The following ARHGEF17 variants were observed in gnomAD, a reference collection of about 807,000 sequenced individuals.
ARHGEF17 encodes Rho guanine nucleotide exchange factor 17.
A neutral mutation model predicts 174.0 loss-of-function variants in ARHGEF17; 80 were observed. That is an observed-to-expected ratio of 0.46 (90% CI 0.38 to 0.55). The LOEUF is 0.55. Ranked by LOEUF, ARHGEF17 falls within the 20% of genes least tolerant of loss-of-function variation. The pLI is 0.00. For synonymous variants in ARHGEF17, 1,311 were observed against 1,189.1 expected (o/e 1.10, Z -2.11); for missense variants, 2,886 against 2,839.7 (o/e 1.02, Z -0.37).
rs1222645253 is a variant in ARHGEF17 at position 73,309,523 on chromosome 11, C to T, written c.885C>T (p.Leu295=). Residue 295 remains leucine, a synonymous_variant, in exon 1 of 21, where the codon CTC becomes CTT. Transcript: ENST00000263674. The part of the protein sequence containing the change: ...GGHRWGGRPG[L]RPGSSLLDQD... ...ACCGCTGGGGAGGGAGGCCCGGGCT[C>T]AGGCCTGGAAGCTCCCTATTGGATC... 5 of 1,570,594 alleles carry T rather than the reference C, an allele frequency of 3.2e-6. No homozygotes were observed. Among genetic ancestry groups the T allele is most frequent in the South Asian group, 1.1e-5 (1 of 87,306 alleles).
rs1238738777 is a variant in ARHGEF17, at chr11:73,357,144, T to A, written c.4001+10T>A. The A allele has an allele frequency of 6.2e-7, 1 of 1,613,936 alleles. No individual in the cohort carries two copies. Among genetic ancestry groups the A allele is most frequent in the African/African-American group, 1.3e-5 (1 of 75,036 alleles). On this transcript the variant is annotated intron_variant, in intron 8 of 20. Transcript: ENST00000263674. ...GCAGCTCCATGAGCCTGTGAGTGGC[T>A]GGGCCGGGGTTTGGGTGGTGCCAAC... is the stretch of plus-strand genomic sequence containing the variant.
intron 1 of ARHGEF17, among the ~76,000 whole-genome samples, chr11:73,339,001 T>A (rs1044447855): frequency 3.9e-5 from 6 of 152,108 alleles, no homozygotes; most frequent in African/African-American, 1.4e-4. Context: ...ATTCTGAGAT[T>A]ATGGGGTTCC....
chr11:73,344,694 A>G (rs1865431989), intron 1 of ARHGEF17, among the ~76,000 whole-genome samples: 1 of 152,198 alleles, frequency 6.6e-6, no homozygotes, highest in Middle Eastern at 3.2e-3. Context: ...CTTTGCCTTC[A>G]CGGTGATGGG....
chr11:73,317,684 T>G (rs1236188400), intron 1 of ARHGEF17, among the ~76,000 whole-genome samples: 8 of 152,212 alleles, frequency 5.3e-5, no homozygotes, highest in Non-Finnish European at 1.5e-5. Context: ...TGTCTCCCCA[T>G]GGGAGTTGAT....
rs146497753 is a variant in ARHGEF17, at chr11:73,311,051, C to T, written c.2413C>T (p.Gln805Ter). The T allele has an allele frequency of 6.2e-7, 1 of 1,614,102 alleles. No individual in the cohort carries two copies. Among genetic ancestry groups the T allele is most frequent in the Non-Finnish European group, 8.5e-7 (1 of 1,179,974 alleles). ...GYQEVIQSIVQGPGTLGRVVD... is the reference protein window; with the variant it reads ...GYQEVIQSIV ...TCAGGAGGTTATTCAGAGCATAGTT[C>T]AGGGGCCTGGCACCCTGGGGCGTGT... is the stretch of plus-strand genomic sequence containing the variant. The change falls in exon 1 of 21, where the codon CAG becomes TAG. Residue 805 changes from glutamine (Q) to a stop codon, truncating the protein, a stop_gained. Transcript: ENST00000263674. LOFTEE classifies it high-confidence loss of function.
chr11:73,331,204 G>A (rs959576781), intron 1 of ARHGEF17, among the ~76,000 whole-genome samples: 3 of 152,202 alleles, frequency 2.0e-5, no homozygotes, highest in Non-Finnish European at 4.4e-5. Context: ...GTTCCCTGGG[G>A]TCCCTATCCA....
intron 9 of ARHGEF17, among the ~76,000 whole-genome samples, chr11:73,357,758 C>G (rs1865669878): frequency 6.6e-6 from 1 of 152,250 alleles, no homozygotes; most frequent in Non-Finnish European, 1.5e-5. Context: ...TTGTTCAGGG[C>G]TGAGACTGTT....
intron 1 of ARHGEF17, among the ~76,000 whole-genome samples, chr11:73,314,179 G>C (rs975433953): frequency 5.3e-5 from 8 of 152,234 alleles, no homozygotes; most frequent in African/African-American, 1.9e-4. Context: ...CTGTTGAGGA[G>C]ACAATGTTCC....
At chr11:73,364,752 C>G in intron 18 of ARHGEF17, 152 bp downstream of exon 18, 1 of 923,904 alleles carries the variant, frequency 1.1e-6, no homozygotes, top group Non-Finnish European at 1.6e-6. Context: ...AGTCCCTGTC[C>G]TCCTTCGATC....
rs181718244 is a variant in ARHGEF17 at position 73,314,673 on chromosome 11, A to G, written c.3192+2843A>G. ...AGGGAGTAACAGTAGCTCATGGGTCATTTATTCCAGGAATGCCTGTCTGTG... is the reference window on the plus strand; with the variant it reads ...AGGGAGTAACAGTAGCTCATGGGTCGTTTATTCCAGGAATGCCTGTCTGTG... On this transcript the variant is annotated intron_variant, in intron 1 of 20. Coordinates refer to ENST00000263674, the MANE Select transcript of ARHGEF17 (RefSeq NM_014786.4). Among the ~76,000 whole-genome samples the G allele has an allele frequency of 2.7e-3, 413 of 152,268 alleles. 4 individuals carry two copies. The highest frequency in any genetic ancestry group is 9.6e-3 in the African/African-American group (398 of 41,554).
chr11:73,314,463 C>T (rs1400857955), intron 1 of ARHGEF17, among the ~76,000 whole-genome samples: 2 of 152,192 alleles, frequency 1.3e-5, no homozygotes, highest in African/African-American at 2.4e-5. Flanking sequence ...CAGACCTGGA[C>T]AGAGTCATCT....
At position 73,365,480 on chromosome 11, in the gene ARHGEF17, G is replaced by T. The variant is rs1014708452; in HGVS notation, c.5641G>T (p.Ala1881Ser). 7 of 1,613,952 alleles carry T rather than the reference G, an allele frequency of 4.3e-6. No homozygotes were observed. The highest frequency in any genetic ancestry group is 1.3e-5 in the African/African-American group (1 of 74,932). ...TGTGTGGGTGACATTGAAAGGTAGTGCCCACGTGTGTCTCTACCATCCAGA... is the reference window on the plus strand; with the variant it reads ...TGTGTGGGTGACATTGAAAGGTAGTTCCCACGTGTGTCTCTACCATCCAGA... ...LGVWVTLKGS[A>S]HVCLYHPDTF... Residue 1881 changes from alanine to serine, a missense_variant, in exon 19 of 21, where the codon GCC becomes TCC. By Grantham distance (99) the Ala-to-Ser change is moderately conservative. Around this residue, in one of 4 missense-constraint regions of ARHGEF17, gnomAD observed 329 missense variants for 435.2 expected, o/e 0.76. Coordinates refer to ENST00000263674, the MANE Select transcript of ARHGEF17 (RefSeq NM_014786.4). The surrounding 1 kb of genome is among the most constrained non-coding windows in gnomAD (Gnocchi z 4.9).
At position 73,308,369 on chromosome 11, in the gene ARHGEF17, G is replaced by A. The variant is rs754707945; in HGVS notation, c.-270G>A. ...TGGGATCCCGCCCAGGCGGTGCCGC[G>A]GTGCCCCTGGTCGCTCCAGCCGCGG... On this transcript the variant is annotated 5_prime_UTR_variant, in exon 1 of 21. Transcript: ENST00000263674. 2.2e-4 allele frequency: 80 copies of A among 367,122 alleles called. 2 individuals carry two copies. Among genetic ancestry groups the A allele is most frequent in the Admixed American group, 1.3e-3 (27 of 21,364 alleles). The allele number at this position is 367,122 out of a possible 1,614,324, so 22.7% of individuals were successfully genotyped here. A position where few individuals can be genotyped will look rare whatever the true frequency, so the allele number is the denominator to read the frequency against.
In ARHGEF17 at chr11:73,355,879, A is replaced by G; in HGVS notation, c.3589A>G (p.Lys1197Glu). ...KFLEQSMRENKEKQALSDLMI... is the reference protein window; with the variant it reads ...KFLEQSMRENEEKQALSDLMI... ...GTTTCAGCAAAGCATGCGTGAGAAC[A>G]AGGAGAAGCAGGCGCTGTCTGACCT... Residue 1197 changes from lysine to glutamate, a missense_variant, in exon 5 of 21, where the codon AAG becomes GAG. By Grantham distance (56) the Lys-to-Glu change is moderately conservative. Around this residue, in one of 4 missense-constraint regions of ARHGEF17, gnomAD observed 353 missense variants for 470.3 expected, o/e 0.75. Transcript: ENST00000263674. 6.2e-7 allele frequency: 1 copy of G among 1,614,178 alleles called. No individual in the cohort carries two copies. The highest frequency in any genetic ancestry group is 8.5e-7 in the Non-Finnish European group (1 of 1,180,036).
chr11:73,313,784 C>T (rs1169992332), intron 1 of ARHGEF17, among the ~76,000 whole-genome samples: 2 of 152,224 alleles, frequency 1.3e-5, no homozygotes, highest in Non-Finnish European at 2.9e-5. Context: ...GGCCTAGGAT[C>T]CATCATATCC....
At position 73,367,585 on chromosome 11, in the gene ARHGEF17, C is replaced by T; in HGVS notation, c.5997C>T (p.Gly1999=). ...CPTPPPPPDT[G]PEKLPSLEHR... Reference sequence around the variant, plus strand: ...ACAGATCCTCCCCTCTGCCCCCAGGCCCCGAGAAGCTGCCATCACTGGAGC... The same window carrying T: ...ACAGATCCTCCCCTCTGCCCCCAGGTCCCGAGAAGCTGCCATCACTGGAGC... The change falls in exon 21 of 21, where the codon GGC becomes GGT. Residue 1999 remains glycine, a splice_region_variant and synonymous_variant. Coordinates refer to ENST00000263674, the MANE Select transcript of ARHGEF17 (RefSeq NM_014786.4). The T allele has an allele frequency of 6.2e-7, 1 of 1,610,118 alleles. No homozygotes were observed. The highest frequency in any genetic ancestry group is 8.5e-7 in the Non-Finnish European group (1 of 1,177,500).
chr11:73,316,689 T>C (rs1344614869), intron 1 of ARHGEF17, among the ~76,000 whole-genome samples: 1 of 151,622 alleles, frequency 6.6e-6, no homozygotes, highest in Non-Finnish European at 1.5e-5. Flanking sequence ...AGATCAGAGG[T>C]GGGTTAGGGT....
chr11:73,316,008 C>T (rs1346865303), intron 1 of ARHGEF17, among the ~76,000 whole-genome samples: 1 of 146,396 alleles, frequency 6.8e-6, no homozygotes. Context: ...CCCCAGGCTT[C>T]CTGGGAGCCG....
chr11:73,310,709 G>T lies in ARHGEF17; in HGVS notation c.2071G>T (p.Gly691Trp), dbSNP rs148112775. ...CCCTGGGACTGAGGACAGTCTGGGC[G>T]GGTGGGCCCTGGTGTCGCCTGAGAC... ...HGPGTEDSLGGWALVSPETPP... is the reference protein window; with the variant it reads ...HGPGTEDSLGWWALVSPETPP... The change falls in exon 1 of 21, where the codon GGG becomes TGG. Residue 691 changes from glycine (G) to tryptophan (W), a missense_variant. By Grantham distance (184) the Gly-to-Trp change is radical. Coordinates refer to ENST00000263674, the MANE Select transcript of ARHGEF17 (RefSeq NM_014786.4). The T allele has an allele frequency of 1.2e-6, 2 of 1,613,174 alleles. No individual in the cohort carries two copies. Among genetic ancestry groups the T allele is most frequent in the Non-Finnish European group, 1.7e-6 (2 of 1,179,858 alleles).
Sources: gnomAD v4.1 joint callset for allele counts (sites outside exome capture counted in the v4.1 genomes callset) on GRCh38, gnomAD v4.1.1 for gene constraint, gnomAD v4.1.1 regional missense constraint, Gnocchi (gnomAD v3.1) non-coding constraint, MANE v1.5 for transcripts, NCBI Gene and HGNC (gene_info 2026-07-23, HGNC 2026-07-21) for gene names.